Variants in EFCAB6 observed in about 807,000 individuals in gnomAD.
EFCAB6 encodes the protein EF-hand calcium-binding domain-containing protein 6.
A neutral mutation model predicts 169.8 loss-of-function variants in EFCAB6; 156 were observed. The ratio of observed to expected loss-of-function variants is 0.92; its 90% CI spans 0.81 to 1.05. EFCAB6 has a LOEUF of 1.05. Among genes scored for constraint, EFCAB6 ranks in the 50% least tolerant of loss-of-function variants. The pLI is 0.00. For missense variants in EFCAB6, 1,800 were observed against 1,829.1 expected (o/e 0.98, Z 0.29); for synonymous variants, 698 against 676.4 (o/e 1.03, Z -0.50).
At chr22:43,622,359 G>A (rs1055680049) in intron 20 of EFCAB6, among the ~76,000 whole-genome samples, 3 of 152,166 alleles carry the variant, frequency 2.0e-5, no homozygotes, top group African/African-American at 4.8e-5. Context: ...GAGGTCAGGA[G>A]TTCGATACCA....
At chr22:43,802,497 C>CA (rs2062759814) in intron 2 of EFCAB6, 1 of 311,846 alleles carries the variant, frequency 3.2e-6, no homozygotes, top group Non-Finnish European at 6.2e-6. Context: ...TGCCACTGCA[C>CA]TTCAACCTGG....
chr22:43,623,634 G>A (rs932223262), intron 20 of EFCAB6, among the ~76,000 whole-genome samples: 3 of 151,328 alleles, frequency 2.0e-5, no homozygotes, highest in Non-Finnish European at 4.4e-5. Flanking sequence ...GGTGGCTCAC[G>A]CCTGTAATCC....
At chr22:43,754,734 TAAC>T (rs762188873) in intron 6 of EFCAB6, among the ~76,000 whole-genome samples, 113 of 152,320 alleles carry the variant, frequency 7.4e-4, no homozygotes, top group Non-Finnish European at 2.2e-4. Flanking sequence ...TACTGGTCCT[TAAC>T]AATGTTTCTG....
In EFCAB6 at chr22:43,595,166, T is replaced by TA. The variant is rs201300475; in HGVS notation, c.2876+4902dup. On this transcript the variant is annotated intron_variant, in intron 23 of 31. Coordinates refer to ENST00000262726, the MANE Select transcript of EFCAB6 (RefSeq NM_022785.4). ...CATGTATAGCAATAAATGCCTACAT[T>TA]AAAAAAAAAAGAATGACTTTGCATA... Among the ~76,000 whole-genome samples the TA allele has an allele frequency of 9.8e-4, 143 of 145,436 alleles. 1 individual carries two copies. The highest frequency in any genetic ancestry group is 3.5e-3 in the Middle Eastern group (1 of 282).
chr22:43,757,507 G>A (rs578215142), intron 5 of EFCAB6, among the ~76,000 whole-genome samples: 13 of 152,098 alleles, frequency 8.5e-5, no homozygotes, highest in African/African-American at 1.2e-4. Context: ...AGATCACACC[G>A]TTGCACTCCA....
At chr22:43,765,259 A>T (rs1269806218) in intron 5 of EFCAB6, 46 bp downstream of exon 5, 7 of 1,468,576 alleles carry the variant, frequency 4.8e-6, no homozygotes, top group African/African-American at 2.8e-5. Context: ...GCTCTTACTC[A>T]TCATTTCAAA....
At chr22:43,590,847 C>T (rs2051453841) in intron 23 of EFCAB6, among the ~76,000 whole-genome samples, 1 of 151,860 alleles carries the variant, frequency 6.6e-6, no homozygotes, top group African/African-American at 2.4e-5. Context: ...AAAGAGTCAG[C>T]TGGGGACTGG....
chr22:43,593,600 T>G (rs2051738492), intron 23 of EFCAB6, among the ~76,000 whole-genome samples: 1 of 152,236 alleles, frequency 6.6e-6, no homozygotes, highest in South Asian at 2.1e-4. Context: ...CTTTCAGGCT[T>G]CATAACTCAG....
intron 9 of EFCAB6, among the ~76,000 whole-genome samples, chr22:43,713,701 T>A (rs2059237169): frequency 6.6e-6 from 1 of 152,230 alleles, no homozygotes; most frequent in African/African-American, 2.4e-5. Flanking sequence ...TGGCGCTGTT[T>A]GGGTTGGCAT....
chr22:43,578,204 G>A (rs1364503305), intron 25 of EFCAB6, among the ~76,000 whole-genome samples: 2 of 152,094 alleles, frequency 1.3e-5, no homozygotes, highest in African/African-American at 4.8e-5. Context: ...CTGAGCCTCA[G>A]TTTCCCCTCC....
intron 17 of EFCAB6, among the ~76,000 whole-genome samples, chr22:43,654,654 A>G: frequency 6.6e-6 from 1 of 152,238 alleles, no homozygotes; most frequent in East Asian, 1.9e-4. Context: ...AGTCTAGGAA[A>G]CTCTCACAGC....
chr22:43,618,173 A>G (rs138113945), intron 20 of EFCAB6, among the ~76,000 whole-genome samples: 4,440 of 41,588 alleles, frequency 0.11, 157 homozygotes, highest in East Asian at 0.15. Context: ...AAGGAAAGAA[A>G]GAAAGAAAGA....
At chr22:43,615,962 T>A in intron 20 of EFCAB6, 40 bp from the exon 21 acceptor site, 1 of 1,538,444 alleles carries the variant, frequency 6.5e-7, no homozygotes, top group Non-Finnish European at 8.8e-7. Context: ...TGTTTAAATT[T>A]AATGGGCTCA....
chr22:43,562,879 G>A (rs911512510), intron 26 of EFCAB6, among the ~76,000 whole-genome samples: 2 of 152,052 alleles, frequency 1.3e-5, no homozygotes, highest in African/African-American at 4.8e-5. Flanking sequence ...CAGGTCACAG[G>A]TGGGAGGGCA....
chr22:43,541,406 A>G (rs1419013366), intron 27 of EFCAB6, among the ~76,000 whole-genome samples: 5 of 152,206 alleles, frequency 3.3e-5, no homozygotes, highest in African/African-American at 1.2e-4. Context: ...AGAAATAACT[A>G]TAGACTTGCA....
At chr22:43,754,853 C>T (rs772507157) in intron 6 of EFCAB6, among the ~76,000 whole-genome samples, 4 of 152,252 alleles carry the variant, frequency 2.6e-5, no homozygotes, top group South Asian at 2.1e-4. Flanking sequence ...ATCAATTGCA[C>T]GACAAAACTC....
At chr22:43,777,279 G>A (rs1389929510) in intron 3 of EFCAB6, among the ~76,000 whole-genome samples, 1 of 152,208 alleles carries the variant, frequency 6.6e-6, no homozygotes, top group African/African-American at 2.4e-5. Flanking sequence ...ACGCAGAAAG[G>A]TCCGCGAGGC....
chr22:43,572,479 C>T lies in EFCAB6; in HGVS notation c.3420+3818G>A, dbSNP rs1263677905. 6.6e-6 allele frequency among the ~76,000 whole-genome samples: 1 copy of T among 152,144 alleles called. No homozygotes were observed. The highest frequency in any genetic ancestry group is 2.4e-5 in the African/African-American group (1 of 41,440). Reference sequence around the variant, plus strand: ...GAGCAGCCTAAGACAGTCCCCATGTCACTCAGAGTCAAAGCCAAAGTCTTT... The same window carrying T: ...GAGCAGCCTAAGACAGTCCCCATGTTACTCAGAGTCAAAGCCAAAGTCTTT... On this transcript the variant is annotated intron_variant, in intron 26 of 31. Transcript: ENST00000262726. The surrounding 1 kb of genome is among the most constrained non-coding windows in gnomAD (Gnocchi z 4.0).
chr22:43,611,373 T>C (rs192639427), intron 21 of EFCAB6, among the ~76,000 whole-genome samples: 1 of 152,286 alleles, frequency 6.6e-6, no homozygotes, highest in Non-Finnish European at 1.5e-5. Flanking sequence ...GGAAAAACAT[T>C]CCATGCTCAT....
Sources: allele counts gnomAD v4.1 joint callset (sites outside exome capture counted in the v4.1 genomes callset), GRCh38; gene constraint gnomAD v4.1.1; non-coding constraint Gnocchi (gnomAD v3.1); transcripts MANE v1.5; gene names NCBI Gene and HGNC (gene_info 2026-07-23, HGNC 2026-07-21).